Variants in PLEKHG1 observed in about 807,000 individuals in gnomAD.
PLEKHG1 encodes the protein pleckstrin homology domain-containing family G member 1.
PLEKHG1 carries 44 observed loss-of-function variants against 100.8 expected under a neutral mutation model. The ratio of observed to expected loss-of-function variants is 0.44; its 90% confidence interval spans 0.34 to 0.56. The LOEUF is 0.56. Among genes scored for constraint, PLEKHG1 ranks in the 20% least tolerant of loss-of-function variants. The probability of loss-of-function intolerance (pLI) is 0.01; values close to 1 mark genes in which losing one functional copy is unlikely to be tolerated. For synonymous variants in PLEKHG1, 640 were observed against 662.5 expected, an observed-to-expected ratio of 0.97 and a Z score of 0.52; for missense variants, 1,545 against 1,720.9, an observed-to-expected ratio of 0.90 and a Z score of 1.81.
At chr6:150,619,736 T>C (rs183659692) in intron 1 of PLEKHG1, among the ~76,000 whole-genome samples, 2 of 152,276 alleles carry the variant, frequency 1.3e-5, no homozygotes, top group African/African-American at 2.4e-5. Flanking sequence ...TAGCCAGTCA[T>C]AAAAGAAAAA....
At chr6:150,602,544 G>T (rs1467958057) in intron 1 of PLEKHG1, among the ~76,000 whole-genome samples, 3 of 152,146 alleles carry the variant, frequency 2.0e-5, no homozygotes, top group Non-Finnish European at 2.9e-5. Flanking sequence ...GTGTCTCTCG[G>T]TTTTCTCACC....
chr6:150,821,311 C>G, intron 13 of PLEKHG1, 78 bp downstream of exon 14: 1 of 913,020 alleles, frequency 1.1e-6, no homozygotes, highest in Non-Finnish European at 1.8e-6. Flanking sequence ...TAAATAAATA[C>G]CAGATAAATT....
Position 150,670,747 on chromosome 6 carries a change from G to A in PLEKHG1, c.-99+19961G>A, listed in dbSNP as rs148998414. ...CTGAGGGAAATGACATAATGTTAAC[G>A]CTTATGTTGCTTCTTTTTCTGTGTT... On this transcript the variant is annotated intron_variant, in intron 3 of 3. Coordinates refer to the PLEKHG1 transcript ENST00000367326. Among the ~76,000 whole-genome samples, 698 of 152,160 alleles carry A rather than the reference G, an allele frequency of 4.6e-3. 4 individuals are homozygous for A. Among genetic ancestry groups the A allele is most frequent in the African/African-American group, 0.016 (655 of 41,500 alleles).
chr6:150,774,375 A>T (rs1784848285), intron 3 of PLEKHG1, among the ~76,000 whole-genome samples: 1 of 152,080 alleles, frequency 6.6e-6, no homozygotes, highest in South Asian at 2.1e-4. Context: ...TTCATTGCTT[A>T]GTATGCCTTT....
At chr6:150,659,714 G>A (rs1363367269) in intron 3 of PLEKHG1, among the ~76,000 whole-genome samples, 1 of 152,172 alleles carries the variant, frequency 6.6e-6, no homozygotes, top group Non-Finnish European at 1.5e-5. Context: ...CCTCCAAGTT[G>A]CTGTATCAGT....
intron 4 of PLEKHG1, among the ~76,000 whole-genome samples, chr6:150,789,981 G>A (rs182162097): frequency 6.6e-6 from 1 of 152,232 alleles, no homozygotes; most frequent in East Asian, 1.9e-4. Flanking sequence ...CCCAGGGCTG[G>A]TGGGTCTTAT....
In PLEKHG1 at chr6:150,652,270, A is replaced by G. The variant is rs1778778090; in HGVS notation, c.-99+1484A>G. On this transcript the variant is annotated intron_variant, in intron 3 of 3. Coordinates refer to the PLEKHG1 transcript ENST00000367326. ...GTTTCTTTCCTAAGTACTTTAACTCATCAGGCTCTGACCACATTATGAACT... is the reference window on the plus strand; with the variant it reads ...GTTTCTTTCCTAAGTACTTTAACTCGTCAGGCTCTGACCACATTATGAACT... 2.0e-5 allele frequency among the ~76,000 whole-genome samples: 3 copies of G among 152,210 alleles called. No homozygotes were observed. In the South Asian group the frequency reaches 6.2e-4, roughly 31 times the overall value.
At chr6:150,800,670 C>T in intron 5 of PLEKHG1, 49 bp from the exon 7 acceptor site, 1 of 1,560,376 alleles carries the variant, frequency 6.4e-7, no homozygotes, top group Admixed American at 1.7e-5. Flanking sequence ...AATTTGAATA[C>T]CCACATAAAG....
At chr6:150,754,404 C>T (rs958951519) in intron 2 of PLEKHG1, among the ~76,000 whole-genome samples, 1 of 152,090 alleles carries the variant, frequency 6.6e-6, no homozygotes, top group Non-Finnish European at 1.5e-5. Flanking sequence ...GGAGGCATGA[C>T]ATCAAATTTG....
chr6:150,832,538 G>A (rs1361681200), intron 15 of PLEKHG1, among the ~76,000 whole-genome samples: 1 of 152,120 alleles, frequency 6.6e-6, no homozygotes, highest in Non-Finnish European at 1.5e-5. Flanking sequence ...AACTTTTCCA[G>A]TATATCAGTA....
intron 1 of PLEKHG1, among the ~76,000 whole-genome samples, chr6:150,626,574 G>T (rs527967988): frequency 1.3e-5 from 2 of 152,190 alleles, no homozygotes; most frequent in Non-Finnish European, 2.9e-5. Flanking sequence ...CACATTTTCT[G>T]ATGCTTTAAG....
chr6:150,811,074 T>C (rs1217254697), intron 10 of PLEKHG1, among the ~76,000 whole-genome samples: 1 of 152,036 alleles, frequency 6.6e-6, no homozygotes, highest in Non-Finnish European at 1.5e-5. Context: ...CCCATGAGGG[T>C]GCTCGGGAGA....
At chr6:150,817,342 G>T (rs1776027535) in intron 10 of PLEKHG1, among the ~76,000 whole-genome samples, 3 of 152,200 alleles carry the variant, frequency 2.0e-5, no homozygotes, top group African/African-American at 7.2e-5. Flanking sequence ...GGTGCAGGGA[G>T]TTGGGGAAAC....
intron 3 of PLEKHG1, among the ~76,000 whole-genome samples, chr6:150,667,080 C>G (rs1038983577): frequency 1.3e-5 from 2 of 151,964 alleles, no homozygotes; most frequent in Non-Finnish European, 2.9e-5. Context: ...TAAATTTTCT[C>G]CAAAAGGGGG....
intron 3 of PLEKHG1, among the ~76,000 whole-genome samples, chr6:150,779,708 C>T (rs1422379950): frequency 1.3e-5 from 2 of 151,520 alleles, no homozygotes; most frequent in Admixed American, 6.6e-5. Context: ...GGCTCACGCC[C>T]GTATTCCCAG....
intron 3 of PLEKHG1, among the ~76,000 whole-genome samples, chr6:150,687,572 G>A (rs908564016): frequency 3.3e-5 from 5 of 152,080 alleles, no homozygotes; most frequent in Non-Finnish European, 5.9e-5. Context: ...ACCTGACCTC[G>A]TTCTCTTCTG....
At chr6:150,667,319 C>T (rs566096676) in intron 3 of PLEKHG1, among the ~76,000 whole-genome samples, 8 of 152,130 alleles carry the variant, frequency 5.3e-5, no homozygotes, top group Non-Finnish European at 8.8e-5. Context: ...AGAGTTTCTA[C>T]ATATGATTTT....
At chr6:150,618,341 G>A (rs1310601301) in intron 1 of PLEKHG1, among the ~76,000 whole-genome samples, 2 of 152,194 alleles carry the variant, frequency 1.3e-5, no homozygotes, top group Non-Finnish European at 2.9e-5. Flanking sequence ...TTTTCTGTGT[G>A]TGCTATTTAT....
At chr6:150,605,679 G>C (rs1055287294) in intron 1 of PLEKHG1, 2 of 152,048 alleles carry the variant, frequency 1.3e-5, no homozygotes, top group African/African-American at 2.4e-5. Context: ...AGGAGGAGGT[G>C]GCAACATTTA....
Sources: gnomAD v4.1 joint callset for allele counts (sites outside exome capture counted in the v4.1 genomes callset) on GRCh38, gnomAD v4.1.1 for gene constraint, MANE v1.5 for transcripts, NCBI Gene and HGNC (gene_info 2026-07-23, HGNC 2026-07-21) for gene names.